KIFAP3: variants seen among roughly 807,000 people sequenced by gnomAD.
KIFAP3 encodes kinesin-associated protein 3.
KIFAP3 carries 68 observed loss-of-function variants against 106.5 expected under a neutral mutation model. The ratio of observed to expected loss-of-function variants is 0.64; its 90% CI spans 0.53 to 0.78. The LOEUF (loss-of-function observed/expected upper bound fraction) is 0.78, where lower values mean the gene tolerates loss of function less well. Among genes scored for constraint, KIFAP3 ranks in the 30% least tolerant of loss-of-function variants. KIFAP3 has a pLI of 0.00. For synonymous variants in KIFAP3, 320 were observed against 311.5 expected (o/e 1.03, Z -0.29); for missense variants, 780 against 941.8 (o/e 0.83, Z 2.25).
At chr1:170,063,752 T>C (rs1387183491) in intron 1 of KIFAP3, among the ~76,000 whole-genome samples, 1 of 152,190 alleles carries the variant, frequency 6.6e-6, no homozygotes, top group Non-Finnish European at 1.5e-5. Flanking sequence ...GTTCCCAACC[T>C]GGCTCTTCCA....
intron 1 of KIFAP3, among the ~76,000 whole-genome samples, chr1:170,081,401 T>C (rs1672018580): frequency 6.6e-6 from 1 of 152,234 alleles, no homozygotes; most frequent in African/African-American, 2.4e-5. Context: ...ACAAACTTAG[T>C]GGCCTAAAAC....
At chr1:169,954,784 TTG>T (rs1664921096) in intron 18 of KIFAP3, among the ~76,000 whole-genome samples, 1 of 152,176 alleles carries the variant, frequency 6.6e-6, no homozygotes, top group African/African-American at 2.4e-5. Context: ...GTCCCTAGCG[TTG>T]TGAGATATAT....
intron 19 of KIFAP3, among the ~76,000 whole-genome samples, chr1:169,952,391 A>G (rs1443510545): frequency 6.6e-6 from 1 of 151,924 alleles, no homozygotes; most frequent in Non-Finnish European, 1.5e-5. Flanking sequence ...TATTACAGGT[A>G]GAGTACCATT....
At chr1:170,085,133 A>T (rs1004131868) in exon 1 of KIFAP3, 4 of 152,126 alleles carry the variant, frequency 2.6e-5, no homozygotes, top group African/African-American at 7.2e-5. Flanking sequence ...CTTTCCAATT[A>T]GTTTGAGCTC....
upstream of KIFAP3, among the ~76,000 whole-genome samples, chr1:170,076,503 A>T (rs1043692380): frequency 2.6e-5 from 4 of 151,806 alleles, no homozygotes; most frequent in Admixed American, 2.6e-4. Flanking sequence ...TTAAATAAAT[A>T]AAAAAAAGAA....
At chr1:169,945,185 G>A (rs976450868) in intron 19 of KIFAP3, among the ~76,000 whole-genome samples, 1 of 152,134 alleles carries the variant, frequency 6.6e-6, no homozygotes, top group Non-Finnish European at 1.5e-5. Flanking sequence ...CCAAGTGCAG[G>A]CACACCCAGC....
intron 10 of KIFAP3, among the ~76,000 whole-genome samples, chr1:170,008,718 C>T (rs1668095809): frequency 6.6e-6 from 1 of 152,172 alleles, no homozygotes; most frequent in South Asian, 2.1e-4. Context: ...GTGGCGATTC[C>T]TCAAAGATCC....
At chr1:170,066,181 C>A (rs1486359136) in intron 1 of KIFAP3, among the ~76,000 whole-genome samples, 3 of 150,264 alleles carry the variant, frequency 2.0e-5, no homozygotes, top group East Asian at 2.0e-4. Flanking sequence ...CTACACCCCC[C>A]CCCCCATTCT....
Position 169,981,254 on chromosome 1 carries a change from A to G in KIFAP3, c.1798+718T>C, listed in dbSNP as rs189231500. 3.6e-3 allele frequency among the ~76,000 whole-genome samples: 547 copies of G among 152,346 alleles called. 7 individuals are homozygous for G. The highest frequency in any genetic ancestry group is 0.012 in the African/African-American group (496 of 41,580). The stretch of plus-strand genomic sequence containing the variant: ...ATGAAAAATCCTAGAAATAATTCAT[A>G]AGTTTTAAATTATGCACAATTCTGA... On this transcript the variant is annotated intron_variant, in intron 15 of 19. Coordinates refer to ENST00000361580, the MANE Select transcript of KIFAP3 (RefSeq NM_014970.4).
At chr1:170,059,871 T>C (rs1671047252) in intron 1 of KIFAP3, among the ~76,000 whole-genome samples, 1 of 152,128 alleles carries the variant, frequency 6.6e-6, no homozygotes, top group African/African-American at 2.4e-5. Flanking sequence ...TATATGCAAA[T>C]CAATAAACGT....
upstream of KIFAP3, among the ~76,000 whole-genome samples, chr1:170,076,593 T>A (rs1281117957): frequency 6.6e-6 from 1 of 152,206 alleles, no homozygotes; most frequent in Non-Finnish European, 1.5e-5. Flanking sequence ...CTGCATCAGA[T>A]CTTTACTCTG....
intron 3 of KIFAP3, among the ~76,000 whole-genome samples, chr1:170,046,501 A>T (rs954458506): frequency 2.0e-5 from 3 of 152,216 alleles, no homozygotes; most frequent in African/African-American, 7.2e-5. Context: ...AAAGAATTAG[A>T]CCATTTTATG....
At chr1:169,935,227 T>A (rs1173449073) in intron 19 of KIFAP3, among the ~76,000 whole-genome samples, 1 of 152,050 alleles carries the variant, frequency 6.6e-6, no homozygotes, top group Non-Finnish European at 1.5e-5. Context: ...TATAGGTTTT[T>A]TTGTATAAAT....
At chr1:169,980,825 G>A (rs148715933) in intron 15 of KIFAP3, among the ~76,000 whole-genome samples, 56 of 152,288 alleles carry the variant, frequency 3.7e-4, no homozygotes, top group Admixed American at 2.1e-3. Context: ...GATATAGCCG[G>A]GCACAGTGGC....
intron 19 of KIFAP3, among the ~76,000 whole-genome samples, chr1:169,946,845 C>T (rs1006431385): frequency 6.6e-6 from 1 of 151,808 alleles, no homozygotes; most frequent in Non-Finnish European, 1.5e-5. Context: ...GGGACAGCTA[C>T]TATGAAAGTA....
At chr1:170,051,476 G>A (rs1401666669) in intron 2 of KIFAP3, among the ~76,000 whole-genome samples, 1 of 152,198 alleles carries the variant, frequency 6.6e-6, no homozygotes, top group African/African-American at 2.4e-5. Context: ...CTTGAACTCA[G>A]CTCTGGATCA....
At chr1:170,033,199 A>C (rs1669504512) in intron 7 of KIFAP3, among the ~76,000 whole-genome samples, 1 of 151,762 alleles carries the variant, frequency 6.6e-6, no homozygotes, top group Non-Finnish European at 1.5e-5. Flanking sequence ...ATTCTAATTA[A>C]GAAAAGTCAA....
intron 2 of KIFAP3, among the ~76,000 whole-genome samples, chr1:170,047,952 G>C (rs544808731): frequency 1.3e-5 from 2 of 152,190 alleles, no homozygotes; most frequent in Non-Finnish European, 2.9e-5. Flanking sequence ...TTGAAAAAGA[G>C]AAAGATGAAC....
intron 9 of KIFAP3, among the ~76,000 whole-genome samples, chr1:170,021,504 A>G (rs1350291187): frequency 7.2e-6 from 1 of 138,676 alleles, no homozygotes; most frequent in African/African-American, 2.8e-5. Flanking sequence ...CAGTGACATG[A>G]TCTCCGCTCA....
Sources: allele counts gnomAD v4.1 joint callset (sites outside exome capture counted in the v4.1 genomes callset), GRCh38; gene constraint gnomAD v4.1.1; transcripts MANE v1.5; gene names NCBI Gene and HGNC (gene_info 2026-07-23, HGNC 2026-07-21).